The following NTM variants were observed in gnomAD, a reference collection of about 807,000 sequenced individuals.
NTM encodes IgLON family member 2.
Under a neutral mutation model 42.1 loss-of-function variants are expected in NTM, and 13 were observed. The ratio of observed to expected loss-of-function variants is 0.31; its 90% CI spans 0.20 to 0.49. The LOEUF (loss-of-function observed/expected upper bound fraction) is 0.49. NTM is among the 20% of genes least tolerant of loss of function. NTM has a pLI of 0.99. For synonymous variants in NTM, 187 were observed against 179.2 expected (o/e 1.04, Z -0.35); for missense variants, 373 against 452.8 (o/e 0.82, Z 1.60).
chr11:131,664,806 A>G (rs1257218045), intron 1 of NTM, among the ~76,000 whole-genome samples: 1 of 144,324 alleles, frequency 6.9e-6, no homozygotes, highest in Non-Finnish European at 1.5e-5. Context: ...TTTTTCTGGC[A>G]ACATTTAAAA....
intron 2 of NTM, among the ~76,000 whole-genome samples, chr11:132,124,460 C>T (rs11222949): frequency 0.15 from 22,998 of 152,228 alleles, 1,881 homozygotes; most frequent in African/African-American, 0.21. Flanking sequence ...ATGCCCTTCA[C>T]GAAAGTACTT....
intron 1 of NTM, among the ~76,000 whole-genome samples, chr11:131,709,404 T>C (rs981236026): frequency 1.3e-5 from 2 of 152,100 alleles, no homozygotes; most frequent in Admixed American, 6.5e-5. Context: ...TATTTTGCAA[T>C]AATGCAAGAA....
chr11:131,872,677 C>G (rs1410109954), intron 1 of NTM, among the ~76,000 whole-genome samples: 1 of 152,120 alleles, frequency 6.6e-6, no homozygotes, highest in Non-Finnish European at 1.5e-5. Flanking sequence ...AAGAGCCCGT[C>G]TAATTTGGTG....
chr11:131,515,094 T>C (rs1355061088), intron 1 of NTM, among the ~76,000 whole-genome samples: 1 of 152,100 alleles, frequency 6.6e-6, no homozygotes. Context: ...ATAAATTTTT[T>C]TGTAGAGATG....
chr11:131,768,111 G>T lies in NTM; in HGVS notation c.83-143453G>T, dbSNP rs181353391. 2.9e-3 allele frequency among the ~76,000 whole-genome samples: 403 copies of T among 139,378 alleles called. 2 individuals are homozygous for T. Among genetic ancestry groups the T allele is most frequent in the African/African-American group, 0.01 (381 of 36,648 alleles). The allele number at this position is 139,378 out of a possible 152,430, so 91.4% of individuals were successfully genotyped here. A position where few individuals can be genotyped will look rare whatever the true frequency, so the allele number is the denominator to read the frequency against. On this transcript the variant is annotated intron_variant, in intron 1 of 8. Coordinates refer to ENST00000683400, the MANE Select transcript of NTM (RefSeq NM_001352005.2). ...TCAAATGTTCATCCATTGAACACTTGCAAAAACTTATTTTTTTTTTTTTTT... is the reference window on the plus strand; with the variant it reads ...TCAAATGTTCATCCATTGAACACTTTCAAAAACTTATTTTTTTTTTTTTTT...
intron 2 of NTM, among the ~76,000 whole-genome samples, chr11:132,044,765 A>G (rs2077744916): frequency 3.3e-5 from 5 of 152,188 alleles, no homozygotes; most frequent in Admixed American, 3.3e-4. Context: ...ATGAAGGAAG[A>G]ACTAGAAAAT....
In NTM at chr11:132,002,206, A is replaced by G. The variant is rs570321172; in HGVS notation, c.167+90558A>G. The stretch of plus-strand genomic sequence containing the variant: ...TCCATTGGCAACAGAGAGTCACTGA[A>G]GGTTTTGAATAGGGAAGTGACTTGG... On this transcript the variant is annotated intron_variant, in intron 2 of 8. Coordinates refer to ENST00000683400, the MANE Select transcript of NTM (RefSeq NM_001352005.2). This position sits in a 1 kb window ranked among gnomAD's most constrained non-coding sequence, Gnocchi z 4.5. 7.9e-5 allele frequency among the ~76,000 whole-genome samples: 12 copies of G among 152,306 alleles called. No individual in the cohort carries two copies. The highest frequency in any genetic ancestry group is 6.8e-3 in the Middle Eastern group (2 of 294).
At chr11:131,613,063 C>T (rs2061593935) in intron 1 of NTM, among the ~76,000 whole-genome samples, 1 of 152,240 alleles carries the variant, frequency 6.6e-6, no homozygotes, top group Admixed American at 6.5e-5. Context: ...CGTGTGCCTC[C>T]CTGGTCTGTC....
At chr11:131,679,684 T>C (rs2072077048) in intron 1 of NTM, among the ~76,000 whole-genome samples, 1 of 151,436 alleles carries the variant, frequency 6.6e-6, no homozygotes, top group Non-Finnish European at 1.5e-5. Flanking sequence ...TAGTAAGAAA[T>C]ATTGTAAAAA....
At chr11:132,173,002 C>A (rs1320946661) in intron 3 of NTM, among the ~76,000 whole-genome samples, 1 of 152,182 alleles carries the variant, frequency 6.6e-6, no homozygotes, top group Non-Finnish European at 1.5e-5. Flanking sequence ...ACATGTCATC[C>A]TATAGCTCTC....
chr11:132,312,363 T>G (rs2136119221), intron 6 of NTM: 1 of 152,360 alleles, frequency 6.6e-6, no homozygotes, highest in African/African-American at 2.4e-5. Context: ...ATGACTCAAC[T>G]GCACGCTATT....
At chr11:131,739,490 T>C (rs1277076833) in intron 1 of NTM, among the ~76,000 whole-genome samples, 1 of 152,188 alleles carries the variant, frequency 6.6e-6, no homozygotes, top group Admixed American at 6.5e-5. Context: ...TTGTGTCTCT[T>C]AGCTGCTTTC....
intron 4 of NTM, among the ~76,000 whole-genome samples, chr11:132,244,118 G>C (rs951679937): frequency 1.1e-4 from 16 of 152,154 alleles, no homozygotes; most frequent in Admixed American, 2.0e-4. Context: ...TCCTGAGCTC[G>C]GGGCTTCCTG....
intron 1 of NTM, among the ~76,000 whole-genome samples, chr11:131,844,075 C>T (rs894272325): frequency 1.3e-5 from 2 of 151,608 alleles, no homozygotes; most frequent in African/African-American, 4.9e-5. Context: ...TGTGTGTGTG[C>T]GTTTGTGTTG....
chr11:131,697,985 A>AC (rs2075656255), intron 1 of NTM, among the ~76,000 whole-genome samples: 1 of 152,192 alleles, frequency 6.6e-6, no homozygotes, highest in Admixed American at 6.5e-5. Context: ...GAGTGAATCC[A>AC]CATAGGAAGT....
chr11:131,934,433 G>C (rs1359114263), intron 2 of NTM, among the ~76,000 whole-genome samples: 2 of 152,180 alleles, frequency 1.3e-5, no homozygotes, highest in Non-Finnish European at 2.9e-5. Flanking sequence ...ATCATATAAA[G>C]TCTTTACAGT....
chr11:131,481,098 G>A (rs1242967331), intron 1 of NTM, among the ~76,000 whole-genome samples: 1 of 152,152 alleles, frequency 6.6e-6, no homozygotes, highest in Non-Finnish European at 1.5e-5. Flanking sequence ...AATGGACATC[G>A]ATATAGAGAA....
At chr11:131,383,461 G>T (rs1468715376) in intron 1 of NTM, among the ~76,000 whole-genome samples, 2 of 152,148 alleles carry the variant, frequency 1.3e-5, no homozygotes, top group Admixed American at 6.5e-5. Context: ...GAGAGATAAA[G>T]GTGAATAGAT....
rs369237304 is a variant in NTM at position 131,373,530 on chromosome 11, G to T, written c.82+2642G>T. ...CACTGATTAGTGACGCTGACAGGAG[G>T]GGGGATTAGCTCCCTGGGGCTCTGG... On this transcript the variant is annotated intron_variant, in intron 1 of 8. Transcript: ENST00000683400. Among the ~76,000 whole-genome samples the T allele has an allele frequency of 2.5e-3, 384 of 151,930 alleles. 1 individual carries two copies. Among genetic ancestry groups the T allele is most frequent in the Admixed American group, 4.9e-3 (75 of 15,240 alleles).
Sources: gnomAD v4.1 joint callset for allele counts (sites outside exome capture counted in the v4.1 genomes callset) on GRCh38, gnomAD v4.1.1 for gene constraint, Gnocchi (gnomAD v3.1) non-coding constraint, MANE v1.5 for transcripts, NCBI Gene and HGNC (gene_info 2026-07-23, HGNC 2026-07-21) for gene names.